Variants in STARD13 observed in about 807,000 individuals in gnomAD.
STARD13 encodes the protein stAR-related lipid transfer protein 13.
Under a neutral mutation model 106.4 loss-of-function variants are expected in STARD13, and 62 were observed. That is an observed-to-expected ratio of 0.58 (90% CI 0.48 to 0.72). STARD13 has a LOEUF of 0.72. Ranked by LOEUF, STARD13 falls within the 30% of genes least tolerant of loss-of-function variation. The probability of loss-of-function intolerance (pLI) is 0.00; values close to 1 mark genes in which losing one functional copy is unlikely to be tolerated. For synonymous variants in STARD13, 565 were observed against 553.0 expected, an observed-to-expected ratio of 1.02 and a Z score of -0.31; for missense variants, 1,387 against 1,424.0, an observed-to-expected ratio of 0.97 and a Z score of 0.42.
chr13:33,128,333 C>G (rs957607290), intron 5 of STARD13, among the ~76,000 whole-genome samples: 2 of 152,138 alleles, frequency 1.3e-5, no homozygotes, highest in Admixed American at 6.5e-5. Flanking sequence ...ATGAGAGGTA[C>G]AGAGGTGACA....
the STARD13 span, among the ~76,000 whole-genome samples, chr13:33,381,278 G>T: frequency 2.0e-5 from 3 of 152,100 alleles, no homozygotes; most frequent in Admixed American, 2.0e-4. Context: ...TTTAACCATT[G>T]AATTTTTTTG....
chr13:33,189,439 G>A (rs1302074249), intron 1 of STARD13, among the ~76,000 whole-genome samples: 4 of 109,506 alleles, frequency 3.7e-5, no homozygotes, highest in Admixed American at 9.7e-5. Context: ...CCTTTCGGAG[G>A]AAGGAGGGAA....
chr13:33,650,797 G>A, the STARD13 span, among the ~76,000 whole-genome samples: 482 of 152,358 alleles, frequency 3.2e-3, 2 homozygotes, highest in African/African-American at 9.9e-3. Context: ...AATGCAGTAA[G>A]TCCTCTTATA....
At position 33,105,213 on chromosome 13, in the gene STARD13, A is replaced by G. The variant is rs1480711698; in HGVS notation, c.*380T>C. The G allele has an allele frequency of 6.0e-6, 1 of 166,344 alleles. No homozygotes were observed. Among genetic ancestry groups the G allele is most frequent in the African/African-American group, 2.4e-5 (1 of 41,844 alleles). 10.3% of individuals were successfully genotyped at this position (166,344 alleles called of 1,614,324 possible). On this transcript the variant is annotated 3_prime_UTR_variant, in exon 14 of 14. Transcript: ENST00000336934. ...TATATAAAATTGGTATTTTACATAT[A>G]TACAGTAAAGATGGAGATATACACA... is the stretch of plus-strand genomic sequence containing the variant.
rs75963113 is a variant in STARD13 at position 33,268,570 on chromosome 13, C to A, written c.169+16900G>T. On this transcript the variant is annotated intron_variant, in intron 1 of 13. Transcript: ENST00000336934. ...TTATTATTATTATTCCCATTTTAGA[C>A]GAGGAAATAGGCTTATAGAGTTCCT... Among the ~76,000 whole-genome samples the A allele has an allele frequency of 7.1e-3, 1,077 of 152,258 alleles. 14 individuals carry two copies. Among genetic ancestry groups the A allele is most frequent in the African/African-American group, 0.025 (1,019 of 41,540 alleles).
At chr13:33,627,374 C>G in the STARD13 span, among the ~76,000 whole-genome samples, 1 of 152,122 alleles carries the variant, frequency 6.6e-6, no homozygotes. Context: ...TATGGTGGCT[C>G]ACGTCTGTAA....
the STARD13 span, among the ~76,000 whole-genome samples, chr13:33,536,340 A>C: frequency 6.6e-6 from 1 of 152,184 alleles, no homozygotes; most frequent in Non-Finnish European, 1.5e-5. Flanking sequence ...AAACTTTTTA[A>C]TTGTTCCAAA....
chr13:33,215,556 AT>A (rs1295253284), intron 1 of STARD13, among the ~76,000 whole-genome samples: 1 of 152,230 alleles, frequency 6.6e-6, no homozygotes, highest in Non-Finnish European at 1.5e-5. Flanking sequence ...AATAATGCTC[AT>A]GATATTCAAG....
At chr13:33,419,337 C>A in the STARD13 span, among the ~76,000 whole-genome samples, 23,756 of 151,870 alleles carry the variant, frequency 0.16, 4,436 homozygotes, top group African/African-American at 0.44. Context: ...CTTCAATAGC[C>A]GATTCAATCA....
chr13:33,572,373 C>T, the STARD13 span, among the ~76,000 whole-genome samples: 1 of 152,098 alleles, frequency 6.6e-6, no homozygotes. Flanking sequence ...AGGCAAACAC[C>T]AAGATGTAAC....
the STARD13 span, among the ~76,000 whole-genome samples, chr13:33,515,195 A>G: frequency 0.081 from 12,402 of 152,250 alleles, 547 homozygotes; most frequent in East Asian, 0.14. Context: ...GTAAAGCTCC[A>G]ATGTGTGAGA....
chr13:33,472,619 A>G, the STARD13 span, among the ~76,000 whole-genome samples: 1 of 152,188 alleles, frequency 6.6e-6, no homozygotes, highest in Non-Finnish European at 1.5e-5. Flanking sequence ...TGCTGCATTA[A>G]GAATCACTGA....
At chr13:33,433,588 T>C in the STARD13 span, among the ~76,000 whole-genome samples, 1 of 152,162 alleles carries the variant, frequency 6.6e-6, no homozygotes, top group East Asian at 1.9e-4. Context: ...ATGACTACCA[T>C]ATTACATCTC....
chr13:33,650,415 C>T, the STARD13 span, among the ~76,000 whole-genome samples: 5 of 151,450 alleles, frequency 3.3e-5, no homozygotes, highest in Non-Finnish European at 5.9e-5. Flanking sequence ...TGGTCTCGAT[C>T]TCCTGACCTC....
chr13:33,151,550 C>T (rs9527141), intron 3 of STARD13, among the ~76,000 whole-genome samples: 31,492 of 152,104 alleles, frequency 0.21, 3,628 homozygotes, highest in South Asian at 0.29. Context: ...CAGGCCCCAA[C>T]TCCAACACTG....
At chr13:33,219,045 A>G (rs992258906) in intron 1 of STARD13, among the ~76,000 whole-genome samples, 2 of 152,216 alleles carry the variant, frequency 1.3e-5, no homozygotes, top group African/African-American at 4.8e-5. Flanking sequence ...TTAAAAATAT[A>G]ACAATCGTGT....
chr13:33,572,443 C>A, the STARD13 span, among the ~76,000 whole-genome samples: 1 of 152,144 alleles, frequency 6.6e-6, no homozygotes, highest in Non-Finnish European at 1.5e-5. Flanking sequence ...CTTTTTCTGT[C>A]CATAAATCTT....
Position 33,157,452 on chromosome 13 carries a change from G to A in STARD13, c.323+7885C>T, listed in dbSNP as rs1016730916. Among the ~76,000 whole-genome samples the A allele has an allele frequency of 3.3e-5, 5 of 152,302 alleles. No individual in the cohort carries two copies. In the East Asian group the frequency reaches 9.6e-4, roughly 29 times the overall value. Reference sequence around the variant, plus strand: ...TGAGGCCGAGTTGGGTGAATCACTTGAGGTCACGAGTTTGAAACCAGCCTG... The same window carrying A: ...TGAGGCCGAGTTGGGTGAATCACTTAAGGTCACGAGTTTGAAACCAGCCTG... On this transcript the variant is annotated intron_variant, in intron 3 of 13. Coordinates refer to ENST00000336934, the MANE Select transcript of STARD13 (RefSeq NM_178006.4).
the STARD13 span, among the ~76,000 whole-genome samples, chr13:33,434,540 A>G: frequency 6.6e-6 from 1 of 152,142 alleles, no homozygotes; most frequent in Admixed American, 6.5e-5. Context: ...ATATACATAA[A>G]GAATGTCAAA....
Sources: allele counts gnomAD v4.1 joint callset (sites outside exome capture counted in the v4.1 genomes callset), GRCh38; gene constraint gnomAD v4.1.1; transcripts MANE v1.5; gene names NCBI Gene and HGNC (gene_info 2026-07-23, HGNC 2026-07-21).